RBMS1: variants seen among roughly 807,000 people sequenced by gnomAD.
RBMS1 encodes the protein RNA-binding motif, single-stranded-interacting protein 1.
A neutral mutation model predicts 62.3 loss-of-function variants in RBMS1; 17 were observed. The ratio of observed to expected loss-of-function variants is 0.27; its 90% CI spans 0.19 to 0.41. The LOEUF is 0.41. Among genes scored for constraint, RBMS1 ranks in the 10% least tolerant of loss-of-function variants. The probability of loss-of-function intolerance (pLI) is 1.00; values close to 1 mark genes in which losing one functional copy is unlikely to be tolerated. For missense variants in RBMS1, 334 were observed against 504.5 expected, an observed-to-expected ratio of 0.66 and a Z score of 3.24; for synonymous variants, 172 against 170.0, an observed-to-expected ratio of 1.01 and a Z score of -0.09.
At chr2:160,490,825 T>C (rs893916311) in intron 1 of RBMS1, among the ~76,000 whole-genome samples, 1 of 152,200 alleles carries the variant, frequency 6.6e-6, no homozygotes. Context: ...ACCATGCCAT[T>C]CTTCAGTTTT....
At chr2:160,302,872 G>C (rs1293153085) in intron 5 of RBMS1, 1 of 152,238 alleles carries the variant, frequency 6.6e-6, no homozygotes, top group Non-Finnish European at 1.5e-5. Flanking sequence ...TCTGTGTGGT[G>C]GTTACACAGT....
At chr2:160,389,908 G>A (rs1694771772) in intron 1 of RBMS1, among the ~76,000 whole-genome samples, 1 of 151,838 alleles carries the variant, frequency 6.6e-6, no homozygotes. Flanking sequence ...AAACTAAAGA[G>A]AGGCCCCTCT....
At chr2:160,472,972 C>A (rs1684980700) in intron 1 of RBMS1, among the ~76,000 whole-genome samples, 1 of 152,158 alleles carries the variant, frequency 6.6e-6, no homozygotes, top group Non-Finnish European at 1.5e-5. Context: ...CATAAAAGGG[C>A]CACTCAACTA....
intron 2 of RBMS1, among the ~76,000 whole-genome samples, chr2:160,344,396 G>A (rs1480350713): frequency 6.6e-6 from 1 of 152,088 alleles, no homozygotes; most frequent in African/African-American, 2.4e-5. Context: ...CAGAAGATGG[G>A]CAAATATATT....
chr2:160,405,382 A>C (rs894019124), intron 1 of RBMS1, among the ~76,000 whole-genome samples: 2 of 152,166 alleles, frequency 1.3e-5, no homozygotes, highest in Admixed American at 1.3e-4. Flanking sequence ...TGAACAAACT[A>C]ATATGAACTG....
chr2:160,407,780 C>A (rs1339761900), intron 1 of RBMS1: 1 of 981,284 alleles, frequency 1.0e-6, no homozygotes. Context: ...CTCGGGCAGC[C>A]GCCGCCCTGC....
chr2:160,391,322 A>T (rs1479106094), intron 1 of RBMS1, among the ~76,000 whole-genome samples: 1 of 151,738 alleles, frequency 6.6e-6, no homozygotes, highest in Admixed American at 6.6e-5. Context: ...GTCAACTACT[A>T]GAAGCTAAGA....
Position 160,284,785 on chromosome 2 carries a change from G to C in RBMS1, c.890C>G (p.Ser297Cys). The change falls in exon 9 of 14, where the codon TCT becomes TGT. Residue 297 changes from serine to cysteine, a missense_variant. Physicochemically the swap from Ser to Cys is moderately radical, Grantham distance 112. Coordinates refer to ENST00000348849, the MANE Select transcript of RBMS1 (RefSeq NM_016836.4). The stretch of plus-strand genomic sequence containing the variant: ...CCTAAAGGTACAAACCTGGTAGGCA[G>C]ATACAGGAGATGCAATATAGGGTGT... ...SITPYIASPV[S>C]AYQVQSPSWM... 1 of 1,594,736 alleles carries C rather than the reference G, an allele frequency of 6.3e-7. No individual in the cohort carries two copies. Among genetic ancestry groups the C allele is most frequent in the Non-Finnish European group, 8.6e-7 (1 of 1,162,388 alleles).
At chr2:160,390,007 CT>C (rs1694776586) in intron 1 of RBMS1, among the ~76,000 whole-genome samples, 1 of 152,178 alleles carries the variant, frequency 6.6e-6, no homozygotes, top group Non-Finnish European at 1.5e-5. Flanking sequence ...AGAATTGCAG[CT>C]CTGTAATAGC....
intron 1 of RBMS1, among the ~76,000 whole-genome samples, chr2:160,488,568 T>C (rs1685692594): frequency 6.6e-6 from 1 of 152,032 alleles, no homozygotes; most frequent in African/African-American, 2.4e-5. Flanking sequence ...AGAGCAAGAC[T>C]CCATCTCAAA....
At chr2:160,314,864 G>A (rs1690124553) in intron 3 of RBMS1, among the ~76,000 whole-genome samples, 2 of 152,146 alleles carry the variant, frequency 1.3e-5, no homozygotes, top group Admixed American at 1.3e-4. Context: ...TTAGACATCT[G>A]TTGTCCATGC....
At chr2:160,280,830 T>C (rs1208829997) in intron 10 of RBMS1, among the ~76,000 whole-genome samples, 1 of 152,194 alleles carries the variant, frequency 6.6e-6, no homozygotes, top group Non-Finnish European at 1.5e-5. Context: ...AAAAATGTAA[T>C]ATATATGAAT....
rs185428577 is a variant in RBMS1 at position 160,448,371 on chromosome 2, T to C, written c.75+44918A>G. 3.8e-3 allele frequency among the ~76,000 whole-genome samples: 539 copies of C among 140,470 alleles called. 2 individuals carry two copies. Among genetic ancestry groups the C allele is most frequent in the African/African-American group, 0.013 (506 of 38,434 alleles). The allele number at this position is 140,470 out of a possible 152,430, so 92.2% of individuals were successfully genotyped here. On this transcript the variant is annotated intron_variant, in intron 1 of 13. Transcript: ENST00000348849. ...CGGAGGCTGGACTGTACTGCCGCCA[T>C]CTCGGCTCACTGCAACCTCCCTGCC...
chr2:160,289,829 C>T (rs556740267), intron 6 of RBMS1, among the ~76,000 whole-genome samples: 30 of 151,820 alleles, frequency 2.0e-4, no homozygotes, highest in Middle Eastern at 3.4e-3. Context: ...CAGCTTCTCC[C>T]TATAAGTTCT....
chr2:160,382,166 T>C lies in RBMS1; in HGVS notation c.76-14775A>G, dbSNP rs988826174. On this transcript the variant is annotated intron_variant, in intron 1 of 13. Transcript: ENST00000348849. The stretch of plus-strand genomic sequence containing the variant: ...AGCTGCTGCAGTGATTAAAATGTTA[T>C]ATGTTGAACACCTCCAGCGTATAAG... 1.6e-4 allele frequency among the ~76,000 whole-genome samples: 25 copies of C among 152,268 alleles called. 1 individual carries two copies. The South Asian group carries it at 1.9e-3, about 11-fold the overall frequency.
At chr2:160,410,892 T>C (rs1372474266) in intron 1 of RBMS1, among the ~76,000 whole-genome samples, 1 of 152,218 alleles carries the variant, frequency 6.6e-6, no homozygotes, top group Admixed American at 6.5e-5. Context: ...TACAGGCGTG[T>C]GCCACCACGC....
chr2:160,427,683 A>C (rs1682694542), intron 1 of RBMS1, among the ~76,000 whole-genome samples: 2 of 152,204 alleles, frequency 1.3e-5, no homozygotes, highest in Non-Finnish European at 2.9e-5. Context: ...TTCAGTTAAA[A>C]ACACTGACAC....
At chr2:160,471,691 G>GTATATATATATATATATA (rs368982549) in intron 1 of RBMS1, among the ~76,000 whole-genome samples, 1,474 of 65,410 alleles carry the variant, frequency 0.023, 117 homozygotes, top group Middle Eastern at 0.053. Context: ...ATCCTTTGGT[G>GTATATATATATATATATA]TATATATATA....
intron 4 of RBMS1, among the ~76,000 whole-genome samples, chr2:160,308,349 T>C (rs1429036546): frequency 6.6e-6 from 1 of 151,982 alleles, no homozygotes; most frequent in Admixed American, 6.6e-5. Flanking sequence ...TGAGCCGATA[T>C]CACCCCACTG....
Sources: gnomAD v4.1 joint callset for allele counts (sites outside exome capture counted in the v4.1 genomes callset) on GRCh38, gnomAD v4.1.1 for gene constraint, MANE v1.5 for transcripts, NCBI Gene and HGNC (gene_info 2026-07-23, HGNC 2026-07-21) for gene names.